EPS15: variants seen among roughly 807,000 people sequenced by gnomAD.
EPS15 encodes epidermal growth factor receptor substrate 15.
Under a neutral mutation model 113.8 loss-of-function variants are expected in EPS15, and 72 were observed. The ratio of observed to expected loss-of-function variants is 0.63; its 90% confidence interval spans 0.52 to 0.77. The LOEUF is 0.77. Among genes scored for constraint, EPS15 ranks in the 30% least tolerant of loss-of-function variants. EPS15 has a pLI of 0.00. For synonymous variants in EPS15, 344 were observed against 363.4 expected (o/e 0.95, Z 0.61); for missense variants, 1,048 against 1,045.8 (o/e 1.00, Z -0.03).
chr1:51,406,859 C>A (rs1649181393), intron 15 of EPS15, among the ~76,000 whole-genome samples: 1 of 152,052 alleles, frequency 6.6e-6, no homozygotes, highest in African/African-American at 2.4e-5. Flanking sequence ...AGGGAAAAAT[C>A]TTATTATTGC....
At chr1:51,514,097 T>C (rs1644672974) in intron 1 of EPS15, among the ~76,000 whole-genome samples, 1 of 152,176 alleles carries the variant, frequency 6.6e-6, no homozygotes, top group Non-Finnish European at 1.5e-5. Flanking sequence ...TTAACTGGGT[T>C]AGATCATTTG....
chr1:51,445,283 T>A (rs1652944461), intron 10 of EPS15, among the ~76,000 whole-genome samples: 1 of 152,228 alleles, frequency 6.6e-6, no homozygotes, highest in Non-Finnish European at 1.5e-5. Flanking sequence ...GTTTACACTT[T>A]GTGTTTTCTT....
intron 21 of EPS15, among the ~76,000 whole-genome samples, chr1:51,370,004 C>T (rs1646607936): frequency 1.3e-5 from 2 of 152,164 alleles, no homozygotes; most frequent in South Asian, 4.1e-4. Context: ...ATAAGGGAAA[C>T]CAATTTTAAG....
rs764216878 is a variant in EPS15, at chr1:51,472,849, C to T, written c.165+10G>A. 49 of 1,596,934 alleles carry T rather than the reference C, an allele frequency of 3.1e-5. No homozygotes were observed. Among genetic ancestry groups the T allele is most frequent in the Non-Finnish European group, 3.7e-5 (43 of 1,164,822 alleles). Reference sequence around the variant, plus strand: ...AAACTTATAATCTAGTTATAATGAACGAATACTACCTTTCCAAGTATCAAG... The same window carrying T: ...AAACTTATAATCTAGTTATAATGAATGAATACTACCTTTCCAAGTATCAAG... On this transcript the variant is annotated intron_variant, in intron 3 of 24. Transcript: ENST00000371733.
chr1:51,472,025 T>C (rs1655277308), intron 3 of EPS15, among the ~76,000 whole-genome samples: 1 of 151,094 alleles, frequency 6.6e-6, no homozygotes, highest in African/African-American at 2.4e-5. Context: ...TTTTTTTTGA[T>C]CATCAGCTAT....
intron 20 of EPS15, among the ~76,000 whole-genome samples, chr1:51,396,443 T>C (rs1214290217): frequency 6.6e-6 from 1 of 152,186 alleles, no homozygotes; most frequent in Admixed American, 6.5e-5. Context: ...TCTGAAACCT[T>C]TTGAGTGCTG....
intron 11 of EPS15, 118 bp downstream of exon 11, chr1:51,444,771 G>T: frequency 9.8e-7 from 1 of 1,018,248 alleles, no homozygotes; most frequent in Non-Finnish European, 1.5e-6. Context: ...ACAGTATACT[G>T]TTCTGCTCTT....
At chr1:51,430,873 TGCTTAAGCCTGGGAGGTCAAG>T (rs977781701) in intron 12 of EPS15, among the ~76,000 whole-genome samples, 1 of 151,718 alleles carries the variant, frequency 6.6e-6, no homozygotes, top group Non-Finnish European at 1.5e-5. Flanking sequence ...GTGGGAGGAC[TGCTTAAGCCTGGGAGGTCAAG>T]GCTAAAGTGA....
At chr1:51,456,081 A>G (rs1449666161) in intron 8 of EPS15, among the ~76,000 whole-genome samples, 1 of 152,222 alleles carries the variant, frequency 6.6e-6, no homozygotes, top group Non-Finnish European at 1.5e-5. Context: ...TCACATGGCA[A>G]CAGAAGTTAT....
chr1:51,437,136 T>A (rs1652213872), intron 12 of EPS15, among the ~76,000 whole-genome samples: 1 of 152,180 alleles, frequency 6.6e-6, no homozygotes, highest in African/African-American at 2.4e-5. Context: ...AAGCTCCCAA[T>A]GTCTTATATT....
chr1:51,504,342 C>T (rs72892036), intron 1 of EPS15, among the ~76,000 whole-genome samples: 76 of 151,876 alleles, frequency 5.0e-4, no homozygotes, highest in African/African-American at 1.8e-3. Context: ...CCCTGGAGGT[C>T]GAGGTTGCAA....
At chr1:51,423,801 A>G in intron 12 of EPS15, 2 of 839,408 alleles carry the variant, frequency 2.4e-6, no homozygotes, top group Admixed American at 6.2e-5. Flanking sequence ...AAAGGAAGGA[A>G]GCTCACTTGG....
chr1:51,513,503 T>C (rs1421109691), intron 1 of EPS15, among the ~76,000 whole-genome samples: 1 of 152,182 alleles, frequency 6.6e-6, no homozygotes, highest in Non-Finnish European at 1.5e-5. Flanking sequence ...TATTCGCATA[T>C]ACACAGACTA....
intron 21 of EPS15, among the ~76,000 whole-genome samples, chr1:51,379,125 G>T (rs1397750309): frequency 6.6e-6 from 1 of 151,994 alleles, no homozygotes; most frequent in Non-Finnish European, 1.5e-5. Context: ...CTCAATAATT[G>T]TTTTTTTCTT....
chr1:51,385,288 T>C (rs548201369), intron 21 of EPS15, among the ~76,000 whole-genome samples: 23 of 152,110 alleles, frequency 1.5e-4, no homozygotes, highest in Middle Eastern at 3.2e-3. Context: ...ATAGAAGATA[T>C]ACAAATAGCC....
chr1:51,456,730 A>G (rs1557487685), intron 8 of EPS15, among the ~76,000 whole-genome samples: 1 of 152,232 alleles, frequency 6.6e-6, no homozygotes, highest in Non-Finnish European at 1.5e-5. Flanking sequence ...GTAAATAAAA[A>G]CAAATCAATG....
intron 20 of EPS15, among the ~76,000 whole-genome samples, chr1:51,398,052 A>G (rs1648137582): frequency 6.6e-6 from 1 of 151,712 alleles, no homozygotes; most frequent in Non-Finnish European, 1.5e-5. Flanking sequence ...CACAAGATGA[A>G]GATTTTTTTT....
intron 8 of EPS15, among the ~76,000 whole-genome samples, chr1:51,452,561 C>T (rs1653665202): frequency 6.6e-6 from 1 of 152,130 alleles, no homozygotes. Flanking sequence ...TTATTGAGCA[C>T]TCAATGCAAC....
intron 12 of EPS15, among the ~76,000 whole-genome samples, chr1:51,427,157 A>T (rs983840400): frequency 6.6e-6 from 1 of 152,202 alleles, no homozygotes. Context: ...TACATAGTAG[A>T]TGCTAAATAA....
Sources: allele counts gnomAD v4.1 joint callset (sites outside exome capture counted in the v4.1 genomes callset), GRCh38; gene constraint gnomAD v4.1.1; transcripts MANE v1.5; gene names NCBI Gene and HGNC (gene_info 2026-07-23, HGNC 2026-07-21).